ARFGAP3: variants seen among roughly 807,000 people sequenced by gnomAD.
ARFGAP3 encodes the protein ARF GTPase activating protein 3, also known as ADP-ribosylation factor GTPase-activating protein 3.
A neutral mutation model predicts 75.0 loss-of-function variants in ARFGAP3; 72 were observed. That is an observed-to-expected ratio of 0.96 (90% CI 0.79 to 1.17). The LOEUF is 1.17. ARFGAP3 is among the 50% of genes most tolerant of loss of function. ARFGAP3 has a pLI of 0.00. For missense variants in ARFGAP3, 620 were observed against 626.6 expected (o/e 0.99, Z 0.11); for synonymous variants, 221 against 217.9 (o/e 1.01, Z -0.13).
At chr22:42,797,705 C>T in intron 15 of ARFGAP3, 100 bp from the exon 16 acceptor site, 2 of 1,611,058 alleles carry the variant, frequency 1.2e-6, no homozygotes, top group Non-Finnish European at 1.7e-6. Flanking sequence ...CACTGCAGCC[C>T]ATGTCAGGCA....
chr22:42,823,720 T>G lies in ARFGAP3; in HGVS notation c.626-18A>C. The G allele has an allele frequency of 6.5e-7, 1 of 1,535,022 alleles. No individual in the cohort carries two copies. The highest frequency in any genetic ancestry group is 2.3e-5 in the East Asian group (1 of 43,160). On this transcript the variant is annotated intron_variant, in intron 7 of 15. Coordinates refer to ENST00000263245, the MANE Select transcript of ARFGAP3 (RefSeq NM_014570.5). ...GGATACCTCTGCCAAAAAATAAAAA[T>G]TAAAAAGTAAGACCAATAGAAATAA... is the stretch of plus-strand genomic sequence containing the variant.
intron 9 of ARFGAP3, among the ~76,000 whole-genome samples, chr22:42,818,625 A>G (rs1006379891): frequency 6.6e-6 from 1 of 152,056 alleles, no homozygotes; most frequent in African/African-American, 2.4e-5. Context: ...AGTTTGCATC[A>G]TATTTTAGTG....
At chr22:42,840,748 G>A (rs954269384) in intron 3 of ARFGAP3, among the ~76,000 whole-genome samples, 196 bp downstream of exon 3, 2 of 152,040 alleles carry the variant, frequency 1.3e-5, no homozygotes, top group African/African-American at 2.4e-5. Context: ...TTTATAAACA[G>A]AGGGTCTTGC....
At chr22:42,818,818 C>A (rs1925688576) in intron 9 of ARFGAP3, among the ~76,000 whole-genome samples, 1 of 145,386 alleles carries the variant, frequency 6.9e-6, no homozygotes, top group Non-Finnish European at 1.5e-5. Context: ...AACAGAATTT[C>A]TTTCTGTTTT....
chr22:42,829,149 G>A (rs966002730), intron 6 of ARFGAP3, among the ~76,000 whole-genome samples: 2 of 152,128 alleles, frequency 1.3e-5, no homozygotes, highest in Non-Finnish European at 2.9e-5. Context: ...CAATGGCTCA[G>A]GTAGATTTCT....
At chr22:42,820,266 T>C (rs1368080843) in intron 9 of ARFGAP3, among the ~76,000 whole-genome samples, 1 of 152,214 alleles carries the variant, frequency 6.6e-6, no homozygotes, top group Non-Finnish European at 1.5e-5. Context: ...GTCAAAAACT[T>C]AGCTTAGTAA....
intron 1 of ARFGAP3, among the ~76,000 whole-genome samples, chr22:42,853,221 T>A (rs567812977): frequency 3.3e-4 from 50 of 152,342 alleles, no homozygotes; most frequent in Non-Finnish European, 6.3e-4. Context: ...GTGCCCAAGT[T>A]AGAATTATAC....
At chr22:42,857,269 GCCGCGGGGGCGGGGCTGCGCGTAACGGT>G in exon 1 of ARFGAP3, 2 of 1,463,024 alleles carry the variant, frequency 1.4e-6, no homozygotes, top group African/African-American at 2.9e-5. Context: ...GAGCGACGAG[GCCGCGGGGGCGGGGCTGCGCGTAACGGT>G]CAGGCTCCGC....
intron 3 of ARFGAP3, among the ~76,000 whole-genome samples, chr22:42,837,641 C>CA (rs1285783922): frequency 6.1e-5 from 7 of 115,606 alleles, no homozygotes; most frequent in South Asian, 2.6e-4. Context: ...AAAAAAAAAC[C>CA]AAAAAAAAGC....
Position 42,807,068 on chromosome 22 carries a change from C to T in ARFGAP3, c.1411+5G>A. 3.7e-6 allele frequency: 6 copies of T among 1,607,780 alleles called. No homozygotes were observed. The highest frequency in any genetic ancestry group is 4.2e-6 in the Non-Finnish European group (5 of 1,177,170). ...AGAGACCAGCTCTTGTTCAGTGCCC[C>T]CTACCTGCTGGCTGCTTCCTCGGCT... is the stretch of plus-strand genomic sequence containing the variant. On this transcript the variant is annotated splice_donor_5th_base_variant and intron_variant, in intron 14 of 15. Transcript: ENST00000263245.
Position 42,796,766 on chromosome 22 carries a change from A to G in ARFGAP3, c.*822T>C, listed in dbSNP as rs1031983181. 3.3e-5 allele frequency: 5 copies of G among 152,230 alleles called. No homozygotes were observed. Among genetic ancestry groups the G allele is most frequent in the Non-Finnish European group, 7.3e-5 (5 of 68,042 alleles). 9.4% of individuals were successfully genotyped at this position (152,230 alleles called of 1,614,324 possible). A position where few individuals can be genotyped will look rare whatever the true frequency, so the allele number is the denominator to read the frequency against. The stretch of plus-strand genomic sequence containing the variant: ...TTTAAAAATATTTATTAACAAAACT[A>G]CCCAATTACAATGACTGTTCTCCCA... On this transcript the variant is annotated 3_prime_UTR_variant, in exon 16 of 16. Transcript: ENST00000263245.
At chr22:42,811,444 G>C (rs976171373) in intron 11 of ARFGAP3, among the ~76,000 whole-genome samples, 1 of 152,150 alleles carries the variant, frequency 6.6e-6, no homozygotes, top group South Asian at 2.1e-4. Context: ...GTCTCATTCC[G>C]CCTGGTTAGG....
chr22:42,856,595 C>A (rs1927511230), intron 1 of ARFGAP3, among the ~76,000 whole-genome samples: 1 of 152,212 alleles, frequency 6.6e-6, no homozygotes, highest in African/African-American at 2.4e-5. Flanking sequence ...AAGCTGGAAG[C>A]CAAAGCGTAG....
At chr22:42,816,800 A>G (rs1042644521) in intron 11 of ARFGAP3, among the ~76,000 whole-genome samples, 1 of 152,232 alleles carries the variant, frequency 6.6e-6, no homozygotes, top group African/African-American at 2.4e-5. Flanking sequence ...GCCCTGAGAA[A>G]GAGCTGTGAA....
At chr22:42,845,613 G>T (rs1248238662) in intron 2 of ARFGAP3, among the ~76,000 whole-genome samples, 1 of 151,114 alleles carries the variant, frequency 6.6e-6, no homozygotes, top group Non-Finnish European at 1.5e-5. Context: ...TCAACAAATG[G>T]TGATGGAAAA....
Position 42,805,529 on chromosome 22 carries a change from C to G in ARFGAP3, c.1411+1544G>C, listed in dbSNP as rs529234212. Among the ~76,000 whole-genome samples, 6 of 152,220 alleles carry G rather than the reference C, an allele frequency of 3.9e-5. No homozygotes were observed. The South Asian group carries it at 1.2e-3, about 32-fold the overall frequency. On this transcript the variant is annotated intron_variant, in intron 14 of 15. Transcript: ENST00000263245. ...AGTGCCTCTCTGCCAGGGGTGGTCA[C>G]AAAAGGAAGTTGCCCTGACAACAGG...
chr22:42,848,321 G>A (rs1019596139), intron 1 of ARFGAP3, among the ~76,000 whole-genome samples: 1 of 152,130 alleles, frequency 6.6e-6, no homozygotes. Flanking sequence ...CCATTCTCCT[G>A]CCTCAGCCTC....
At chr22:42,817,897 C>A in intron 9 of ARFGAP3, 40 bp from the exon 10 acceptor site, 1 of 1,477,414 alleles carries the variant, frequency 6.8e-7, no homozygotes, top group Non-Finnish European at 9.1e-7. Flanking sequence ...TAGCTTTAAT[C>A]CTTTGTTCTT....
intron 14 of ARFGAP3, 90 bp from the exon 15 acceptor site, chr22:42,799,250 A>G: frequency 6.4e-7 from 1 of 1,559,184 alleles, no homozygotes; most frequent in Non-Finnish European, 8.7e-7. Context: ...GCTCCAGAGA[A>G]CCCGGATCTC....
Sources: allele counts gnomAD v4.1 joint callset (sites outside exome capture counted in the v4.1 genomes callset), GRCh38; gene constraint gnomAD v4.1.1; transcripts MANE v1.5; gene names NCBI Gene and HGNC (gene_info 2026-07-23, HGNC 2026-07-21).